The following RIPOR2 variants were observed in gnomAD, a reference collection of about 807,000 sequenced individuals.
The protein encoded by RIPOR2 is rho family-interacting cell polarization regulator 2.
In RIPOR2, 39 loss-of-function variants were observed where a neutral mutation model predicts 114.5. The ratio of observed to expected loss-of-function variants is 0.34; its 90% CI spans 0.26 to 0.44. The LOEUF (loss-of-function observed/expected upper bound fraction) is 0.44. RIPOR2 is among the 20% of genes least tolerant of loss of function. The pLI is 1.00. For synonymous variants in RIPOR2, 445 were observed against 484.4 expected (o/e 0.92, Z 1.07); for missense variants, 1,007 against 1,255.1 (o/e 0.80, Z 2.99).
intron 1 of RIPOR2, among the ~76,000 whole-genome samples, chr6:25,008,195 G>A (rs1181251637): frequency 8.3e-6 from 1 of 119,912 alleles, no homozygotes; most frequent in Non-Finnish European, 1.8e-5. Context: ...ATATAATTAA[G>A]TTAAGCATTT....
intron 1 of RIPOR2, among the ~76,000 whole-genome samples, chr6:24,922,858 C>CAAAAAA (rs869160864): frequency 1.3e-5 from 1 of 78,642 alleles, no homozygotes; most frequent in Non-Finnish European, 2.7e-5. Flanking sequence ...AGGACAGTCT[C>CAAAAAA]AAAAAAAAAA....
intron 1 of RIPOR2, among the ~76,000 whole-genome samples, chr6:24,952,420 A>G (rs2114203918): frequency 6.6e-6 from 1 of 152,312 alleles, no homozygotes; most frequent in East Asian, 1.9e-4. Flanking sequence ...CTCTGAGGTA[A>G]GGGAGCTGAT....
chr6:24,869,326 T>C (rs999264028), intron 5 of RIPOR2, among the ~76,000 whole-genome samples, 179 bp from the exon 6 acceptor site: 2 of 151,722 alleles, frequency 1.3e-5, no homozygotes, highest in Non-Finnish European at 2.9e-5. Context: ...ATTTTTTTTT[T>C]TTTTTTTTGA....
At chr6:24,874,924 C>T (rs1045822182) in intron 2 of RIPOR2, among the ~76,000 whole-genome samples, 4 of 152,096 alleles carry the variant, frequency 2.6e-5, no homozygotes, top group East Asian at 3.8e-4. Context: ...CAGCTTGCAG[C>T]GGTAAGATGG....
chr6:24,852,473 TA>T (rs878977895), intron 9 of RIPOR2, 101 bp downstream of exon 9: 51,308 of 652,698 alleles, frequency 0.079, 1 homozygote, highest in South Asian at 0.096. Flanking sequence ...AATTAAAAAT[TA>T]AAAAAAAAAA....
chr6:25,029,413 A>AAG (rs1776797570), intron 1 of RIPOR2, among the ~76,000 whole-genome samples: 1 of 137,660 alleles, frequency 7.3e-6, no homozygotes, highest in Non-Finnish European at 1.5e-5. Context: ...TCAAAAAAGA[A>AAG]AAAAAAAAAA....
intron 1 of RIPOR2, among the ~76,000 whole-genome samples, chr6:24,978,273 C>A (rs1047620771): frequency 6.6e-6 from 1 of 152,062 alleles, no homozygotes; most frequent in African/African-American, 2.4e-5. Flanking sequence ...TATCCCTTCA[C>A]TTCACTGAGC....
rs943603706 is a variant in RIPOR2 at position 24,808,279 on chromosome 6, G to A, written c.3043+1438C>T. The stretch of plus-strand genomic sequence containing the variant: ...CATTCTGTAGGATCAGCTTCCTTAG[G>A]TTACACTGGAAATAGAAGCTTCGTT... On this transcript the variant is annotated intron_variant, in intron 21 of 21. Transcript: ENST00000643898. 3.9e-5 allele frequency among the ~76,000 whole-genome samples: 6 copies of A among 152,152 alleles called. 1 individual carries two copies. The highest frequency in any genetic ancestry group is 3.9e-4 in the Admixed American group (6 of 15,276).
rs755820397 is a variant in RIPOR2, at chr6:24,839,251, T to A, written c.1879A>T (p.Ser627Cys). ...ILKCKPAVSR[S>C]RSSSLSLTVE... ...GTGAGACTTAAACTGGAAGACCTGC[T>A]GCGGCTTACTGCTGGCTTGCACTGT... Residue 627 changes from serine to cysteine, a missense_variant, in exon 14 of 22, where the codon AGC (serine) becomes TGC (cysteine). Coordinates refer to ENST00000643898, the MANE Select transcript of RIPOR2 (RefSeq NM_001286445.3). The A allele has an allele frequency of 6.4e-7, 1 of 1,551,908 alleles. No individual in the cohort carries two copies. Among genetic ancestry groups the A allele is most frequent in the Admixed American group, 2.0e-5 (1 of 51,008 alleles).
intron 11 of RIPOR2, among the ~76,000 whole-genome samples, 161 bp from the exon 12 acceptor site, chr6:24,848,315 A>G (rs1023986600): frequency 6.6e-6 from 1 of 152,200 alleles, no homozygotes; most frequent in African/African-American, 2.4e-5. Context: ...ATAAACCTGG[A>G]TAAAAGAAAA....
At chr6:24,970,821 T>A (rs566940459) in intron 1 of RIPOR2, among the ~76,000 whole-genome samples, 2 of 151,934 alleles carry the variant, frequency 1.3e-5, no homozygotes, top group Non-Finnish European at 2.9e-5. Context: ...GTGGTAGGAG[T>A]CTGCACTCTG....
chr6:24,990,186 T>C (rs1774739789), intron 1 of RIPOR2, among the ~76,000 whole-genome samples: 1 of 152,252 alleles, frequency 6.6e-6, no homozygotes, highest in African/African-American at 2.4e-5. Context: ...AAAATGATGT[T>C]TGTAGTCATA....
rs766057943 is a variant in RIPOR2, at chr6:24,860,944, T to C, written c.715+29A>G. ...CTCTGCACTCTGCAGAGATGGCTCC[T>C]TATTCTCTCTAAACAAGGAAAATAA... is the stretch of plus-strand genomic sequence containing the variant. On this transcript the variant is annotated intron_variant, in intron 8 of 21. Coordinates refer to ENST00000643898, the MANE Select transcript of RIPOR2 (RefSeq NM_001286445.3). 2.5e-5 allele frequency: 37 copies of C among 1,459,320 alleles called. No homozygotes were observed. The East Asian group carries it at 8.3e-4, about 33-fold the overall frequency. The allele number at this position is 1,459,320 out of a possible 1,614,324, so 90.4% of individuals were successfully genotyped here.
intron 1 of RIPOR2, among the ~76,000 whole-genome samples, chr6:24,896,438 C>T (rs2113993229): frequency 6.6e-6 from 1 of 151,586 alleles, no homozygotes; most frequent in East Asian, 1.9e-4. Flanking sequence ...CTGTACATCT[C>T]CTAGAGGAAA....
chr6:24,849,674 G>T, intron 11 of RIPOR2, 128 bp downstream of exon 11: 1 of 831,362 alleles, frequency 1.2e-6, no homozygotes, highest in Non-Finnish European at 1.9e-6. Context: ...TAGTCCTGGG[G>T]TGGGGCCCGA....
chr6:24,985,310 T>C (rs1774482500), intron 1 of RIPOR2, among the ~76,000 whole-genome samples: 1 of 151,924 alleles, frequency 6.6e-6, no homozygotes, highest in Non-Finnish European at 1.5e-5. Flanking sequence ...GGGACAACAG[T>C]TGAGGTAAAC....
At chr6:24,939,433 G>C (rs758982609), upstream of RIPOR2, among the ~76,000 whole-genome samples, 4 of 152,176 alleles carry the variant, frequency 2.6e-5, no homozygotes, top group Non-Finnish European at 5.9e-5. Context: ...CTCATATCAG[G>C]AAGAGGACCA....
upstream of RIPOR2, chr6:25,042,148 C>A: frequency 2.2e-6 from 1 of 464,198 alleles, no homozygotes; most frequent in Non-Finnish European, 3.8e-6. Flanking sequence ...TTCCGACTGG[C>A]CCGAAGGCAG....
chr6:24,916,113 CT>C (rs1770059833), intron 1 of RIPOR2, among the ~76,000 whole-genome samples: 2 of 152,222 alleles, frequency 1.3e-5, no homozygotes, highest in Non-Finnish European at 2.9e-5. Flanking sequence ...CTTCTTTTGG[CT>C]CTAACATTTG....
Sources: allele counts gnomAD v4.1 joint callset (sites outside exome capture counted in the v4.1 genomes callset), GRCh38; gene constraint gnomAD v4.1.1; transcripts MANE v1.5; gene names NCBI Gene and HGNC (gene_info 2026-07-23, HGNC 2026-07-21).